ZNF724: variants seen among roughly 807,000 people sequenced by gnomAD.
ZNF724 encodes zinc finger protein 724, also known as zinc finger protein 724 pseudogene.
A neutral mutation model predicts 29.3 loss-of-function variants in ZNF724; 14 were observed. The ratio of observed to expected loss-of-function variants is 0.48; its 90% CI spans 0.32 to 0.75. The LOEUF (loss-of-function observed/expected upper bound fraction) is 0.75. Ranked by LOEUF, ZNF724 falls within the 30% of genes least tolerant of loss-of-function variation. The probability of loss-of-function intolerance (pLI) is 0.04; values close to 1 mark genes in which losing one functional copy is unlikely to be tolerated. For synonymous variants in ZNF724, 180 were observed against 193.6 expected (o/e 0.93, Z 0.58); for missense variants, 557 against 571.2 (o/e 0.98, Z 0.25).
At chr19:23,226,042 G>A (rs978101257) in intron 3 of ZNF724, among the ~76,000 whole-genome samples, 2 of 135,046 alleles carry the variant, frequency 1.5e-5, no homozygotes, top group African/African-American at 5.5e-5. Flanking sequence ...ATTTTCTAGA[G>A]AGAGGGTCTT....
At chr19:23,234,527 C>A (rs1462234646) in intron 1 of ZNF724, among the ~76,000 whole-genome samples, 1 of 152,074 alleles carries the variant, frequency 6.6e-6, no homozygotes. Context: ...TCTCTGCTCA[C>A]CACAACCTCC....
chr19:23,232,761 A>AT (rs1971958644), intron 1 of ZNF724, among the ~76,000 whole-genome samples: 1 of 151,790 alleles, frequency 6.6e-6, no homozygotes, highest in South Asian at 2.1e-4. Flanking sequence ...AATGCCAATG[A>AT]TTTTGCCCCA....
At chr19:23,241,979 A>C (rs910490583) in intron 1 of ZNF724, among the ~76,000 whole-genome samples, 2 of 152,232 alleles carry the variant, frequency 1.3e-5, no homozygotes, top group African/African-American at 4.8e-5. Flanking sequence ...CAGTATCTAG[A>C]AAACCCTAGT....
At chr19:23,244,179 A>G (rs1044939492) in intron 1 of ZNF724, among the ~76,000 whole-genome samples, 1 of 152,112 alleles carries the variant, frequency 6.6e-6, no homozygotes, top group Non-Finnish European at 1.5e-5. Context: ...CAGGCACGTG[A>G]GATTATGAAC....
At chr19:23,230,580 G>A (rs965566585) in intron 3 of ZNF724, among the ~76,000 whole-genome samples, 4 of 152,128 alleles carry the variant, frequency 2.6e-5, no homozygotes. Flanking sequence ...CAGACATGAT[G>A]TAGAAAGAAA....
In ZNF724 at chr19:23,223,947, GTAT is replaced by G; in HGVS notation, c.295_297del (p.Ile99del). 1 of 749,418 alleles carries G rather than the reference GTAT, an allele frequency of 1.3e-6. No homozygotes were observed. The highest frequency in any genetic ancestry group is 2.5e-5 in the East Asian group (1 of 40,212). 46.4% of individuals were successfully genotyped at this position (749,418 alleles called of 1,614,324 possible). A position where few individuals can be genotyped will look rare whatever the true frequency, so the allele number is the denominator to read the frequency against. On this transcript the variant is annotated inframe_deletion, in exon 4 of 4. Coordinates refer to ENST00000418100, the MANE Select transcript of ZNF724 (RefSeq NM_001355404.2). ...TGTCCACATTTTTCATATTTTCTCA[GTAT>G]TATTCTTTGCAAAGAAGCTTTTATG...
At position 23,228,915 on chromosome 19, in the gene ZNF724, T is replaced by A. The variant is rs1293697425; in HGVS notation, c.226+2351A>T. The stretch of plus-strand genomic sequence containing the variant: ...CCACTTCCAAAAAAAAAAAAAAAAA[T>A]TTTCCGGGCATGGTGGCGCGTGCTT... On this transcript the variant is annotated intron_variant, in intron 3 of 3. Coordinates refer to ENST00000418100, the MANE Select transcript of ZNF724 (RefSeq NM_001355404.2). 7.5e-5 allele frequency among the ~76,000 whole-genome samples: 11 copies of A among 146,190 alleles called. 1 individual carries two copies. The highest frequency in any genetic ancestry group is 2.0e-4 in the East Asian group (1 of 4,970).
chr19:23,249,705 T>C (rs1226299888), intron 1 of ZNF724, among the ~76,000 whole-genome samples: 1 of 151,754 alleles, frequency 6.6e-6, no homozygotes, highest in Non-Finnish European at 1.5e-5. Context: ...GACTAATTTT[T>C]ATATTTTTAG....
chr19:23,249,499 A>C (rs1461395718), intron 1 of ZNF724, among the ~76,000 whole-genome samples: 1 of 151,966 alleles, frequency 6.6e-6, no homozygotes, highest in Non-Finnish European at 1.5e-5. Flanking sequence ...CCCGGGTTCA[A>C]GCGATTTTTC....
rs1265490952 is a variant in ZNF724, at chr19:23,231,291, T to G, written c.201A>C (p.Arg67Ser). ...EQGKEPWNME[R>S]HEMVAKPPGM... ...CTGGGGGTTTGGCCACCATCTCATG[T>G]CTCTCCATATTCCAGGGCTCTTTGC... Residue 67 changes from arginine to serine, a missense_variant, in exon 3 of 4, where the codon AGA (arginine) becomes AGC (serine). This residue lies in a region of ZNF724 where 362 missense variants were observed against 295.5 expected (regional missense o/e 1.22). Coordinates refer to ENST00000418100, the MANE Select transcript of ZNF724 (RefSeq NM_001355404.2). The G allele has an allele frequency of 7.3e-7, 1 of 1,372,358 alleles. No individual in the cohort carries two copies. The highest frequency in any genetic ancestry group is 1.0e-6 in the Non-Finnish European group (1 of 962,644). The allele number at this position is 1,372,358 out of a possible 1,614,324, so 85.0% of individuals were successfully genotyped here. A position where few individuals can be genotyped will look rare whatever the true frequency, so the allele number is the denominator to read the frequency against.
chr19:23,240,815 T>A (rs1972110425), intron 1 of ZNF724, among the ~76,000 whole-genome samples: 2 of 151,346 alleles, frequency 1.3e-5, no homozygotes, highest in African/African-American at 4.9e-5. Context: ...GTGGATCACC[T>A]GAGGTCAGGA....
chr19:23,237,796 A>G (rs2145786159), intron 1 of ZNF724, among the ~76,000 whole-genome samples: 1 of 152,136 alleles, frequency 6.6e-6, no homozygotes, highest in Admixed American at 6.6e-5. Context: ...AACCATGCTA[A>G]TTGTTTTGAA....
rs1471137485 is a variant in ZNF724 at position 23,222,366 on chromosome 19, C to G, written c.*19G>C. Reference sequence around the variant, plus strand: ...TGCTGGGATTACAGGTGTGAGCCACCACGCCTGGTCCATTTTTCTTATTTG... The same window carrying G: ...TGCTGGGATTACAGGTGTGAGCCACGACGCCTGGTCCATTTTTCTTATTTG... On this transcript the variant is annotated 3_prime_UTR_variant, in exon 4 of 4. Coordinates refer to ENST00000418100, the MANE Select transcript of ZNF724 (RefSeq NM_001355404.2). The G allele has an allele frequency of 1.0e-6, 1 of 965,000 alleles. No individual in the cohort carries two copies. The highest frequency in any genetic ancestry group is 2.0e-5 in the Admixed American group (1 of 49,488). The allele number at this position is 965,000 out of a possible 1,614,324, so 59.8% of individuals were successfully genotyped here. A position where few individuals can be genotyped will look rare whatever the true frequency, so the allele number is the denominator to read the frequency against.
chr19:23,242,333 C>T (rs1972138414), intron 1 of ZNF724, among the ~76,000 whole-genome samples: 2 of 152,122 alleles, frequency 1.3e-5, no homozygotes, highest in South Asian at 4.1e-4. Flanking sequence ...AATCCCAGAA[C>T]TTTGGGAGGC....
chr19:23,232,842 A>AT (rs1971961111), intron 1 of ZNF724, among the ~76,000 whole-genome samples: 1 of 152,098 alleles, frequency 6.6e-6, no homozygotes, highest in Non-Finnish European at 1.5e-5. Flanking sequence ...TATGGCCTAT[A>AT]AGAGAGAGAT....
rs1491564170 is a variant in ZNF724 at position 23,242,725 on chromosome 19, AGT to A, written c.3+7513_3+7514del. 3.0e-3 allele frequency: 194 copies of A among 64,210 alleles called. 2 individuals are homozygous for A. Among genetic ancestry groups the A allele is most frequent in the Admixed American group, 4.5e-3 (23 of 5,108 alleles). 4.0% of individuals were successfully genotyped at this position (64,210 alleles called of 1,614,324 possible). A position where few individuals can be genotyped will look rare whatever the true frequency, so the allele number is the denominator to read the frequency against. ...CGAGACTCCGTCTGAAAAAAGAAAAAGTAATAATAATAATAATAATAATAATA... is the reference window on the plus strand; with the variant it reads ...CGAGACTCCGTCTGAAAAAAGAAAAAAATAATAATAATAATAATAATAATA... On this transcript the variant is annotated intron_variant, in intron 1 of 3. Coordinates refer to ENST00000418100, the MANE Select transcript of ZNF724 (RefSeq NM_001355404.2).
At position 23,223,572 on chromosome 19, in the gene ZNF724, GT is replaced by G; in HGVS notation, c.672del (p.Lys224AsnfsTer10). Reference sequence around the variant, plus strand: ...ATGCCACATTCTTCACATTTGTAGTGTTTTTGTCCTGTATGAATTCTCTTAT... The same window carrying G: ...ATGCCACATTCTTCACATTTGTAGTGTTTTGTCCTGTATGAATTCTCTTAT... ...SQHKRIHTGQ[K>X]HYKCEECGIA... On this transcript the variant is annotated frameshift_variant, in exon 4 of 4. Coordinates refer to ENST00000418100, the MANE Select transcript of ZNF724 (RefSeq NM_001355404.2). LOFTEE classifies it low-confidence loss of function (END_TRUNC). The G allele has an allele frequency of 1.4e-6, 1 of 723,178 alleles. No individual in the cohort carries two copies. The allele number at this position is 723,178 out of a possible 1,614,324, so 44.8% of individuals were successfully genotyped here.
intron 1 of ZNF724, among the ~76,000 whole-genome samples, chr19:23,242,336 T>C (rs1972138471): frequency 6.6e-6 from 1 of 152,078 alleles, no homozygotes; most frequent in Non-Finnish European, 1.5e-5. Flanking sequence ...CCCAGAACTT[T>C]GGGAGGCTGA....
chr19:23,240,666 T>A (rs1043851601), intron 1 of ZNF724, among the ~76,000 whole-genome samples: 1 of 147,234 alleles, frequency 6.8e-6, no homozygotes, highest in African/African-American at 2.5e-5. Flanking sequence ...GTTGCGGTAA[T>A]CTGAGATCAT....
Sources: allele counts gnomAD v4.1 joint callset (sites outside exome capture counted in the v4.1 genomes callset), GRCh38; gene constraint gnomAD v4.1.1; regional missense constraint gnomAD v4.1.1; transcripts MANE v1.5; gene names NCBI Gene and HGNC (gene_info 2026-07-23, HGNC 2026-07-21).